The following PDE1A variants were observed in gnomAD, a reference collection of about 807,000 sequenced individuals.
PDE1A encodes dual specificity calcium/calmodulin-dependent 3',5'-cyclic nucleotide phosphodiesterase 1A.
In PDE1A, 35 loss-of-function variants were observed where a neutral mutation model predicts 61.7. That is an observed-to-expected ratio of 0.57 (90% CI 0.43 to 0.75). The LOEUF is 0.75. PDE1A is among the 30% of genes least tolerant of loss of function. The pLI is 0.00. For missense variants in PDE1A, 597 were observed against 630.6 expected, an observed-to-expected ratio of 0.95 and a Z score of 0.57; for synonymous variants, 232 against 213.2, an observed-to-expected ratio of 1.09 and a Z score of -0.77.
At position 182,496,016 on chromosome 2, in the gene PDE1A, C is replaced by A. The variant is rs28627441; in HGVS notation, c.101+26260G>T. Among the ~76,000 whole-genome samples, 686 of 152,204 alleles carry A rather than the reference C, an allele frequency of 4.5e-3. 3 individuals carry two copies. The highest frequency in any genetic ancestry group is 0.015 in the African/African-American group (630 of 41,538). ...TTGCTGACATACAACAGATATAAGT[C>A]CTCTCAACCATAAAGAAAAACACAT... On this transcript the variant is annotated intron_variant, in intron 2 of 14. Coordinates refer to the PDE1A transcript ENST00000410103.
At chr2:182,305,369 T>C (rs951080521) in intron 1 of PDE1A, among the ~76,000 whole-genome samples, 1 of 152,146 alleles carries the variant, frequency 6.6e-6, no homozygotes, top group Non-Finnish European at 1.5e-5. Flanking sequence ...TTACAGGGCA[T>C]ACTTTCAGCT....
At chr2:182,571,940 G>C in the PDE1A span, among the ~76,000 whole-genome samples, 1 of 152,124 alleles carries the variant, frequency 6.6e-6, no homozygotes, top group Non-Finnish European at 1.5e-5. Flanking sequence ...TAACCATGTG[G>C]CAAAGTCATC....
chr2:182,337,765 C>T (rs1343966637), intron 1 of PDE1A, among the ~76,000 whole-genome samples: 1 of 152,036 alleles, frequency 6.6e-6, no homozygotes, highest in Non-Finnish European at 1.5e-5. Flanking sequence ...AATGTTGTTA[C>T]CTTTTTGACA....
At chr2:182,589,083 TAA>T in the PDE1A span, among the ~76,000 whole-genome samples, 6 of 146,740 alleles carry the variant, frequency 4.1e-5, no homozygotes, top group Non-Finnish European at 6.0e-5. Flanking sequence ...ATAATAATAA[TAA>T]TAATAATTTT....
At chr2:182,426,496 G>A (rs932691696) in intron 1 of PDE1A, 82 bp downstream of exon 1, 26 of 984,810 alleles carry the variant, frequency 2.6e-5, no homozygotes, top group Non-Finnish European at 3.9e-5. Context: ...TAGCTTAGTG[G>A]CAGAATCCCC....
intron 10 of PDE1A, among the ~76,000 whole-genome samples, chr2:182,190,905 G>A (rs1286020186): frequency 3.3e-5 from 5 of 151,836 alleles, no homozygotes; most frequent in Admixed American, 2.0e-4. Flanking sequence ...GCAGTGAGCC[G>A]AGATTGCACC....
chr2:182,198,359 T>C (rs1686314505), intron 10 of PDE1A, among the ~76,000 whole-genome samples: 1 of 151,876 alleles, frequency 6.6e-6, no homozygotes, highest in Non-Finnish European at 1.5e-5. Context: ...ACTTTGTTTT[T>C]TATTACCTTC....
At chr2:182,367,725 T>C (rs537140782) in intron 1 of PDE1A, among the ~76,000 whole-genome samples, 25 of 152,150 alleles carry the variant, frequency 1.6e-4, no homozygotes, top group Non-Finnish European at 3.4e-4. Context: ...AAAAAATTAA[T>C]TGAAAAAATA....
chr2:182,573,916 ATAT>A, the PDE1A span, among the ~76,000 whole-genome samples: 1 of 144,746 alleles, frequency 6.9e-6, no homozygotes, highest in Non-Finnish European at 1.5e-5. Flanking sequence ...TATATTATAT[ATAT>A]TAATATATAC....
intron 2 of PDE1A, among the ~76,000 whole-genome samples, chr2:182,501,266 C>G (rs1449467546): frequency 6.6e-6 from 1 of 152,138 alleles, no homozygotes; most frequent in Non-Finnish European, 1.5e-5. Context: ...CTGATCCATA[C>G]TTTAAATTTG....
the PDE1A span, among the ~76,000 whole-genome samples, chr2:182,609,348 A>C: frequency 6.6e-6 from 1 of 152,240 alleles, no homozygotes; most frequent in South Asian, 2.1e-4. Flanking sequence ...AGAGAATAAA[A>C]GCAGGCTGCC....
At chr2:182,557,128 C>T in the PDE1A span, among the ~76,000 whole-genome samples, 1 of 151,792 alleles carries the variant, frequency 6.6e-6, no homozygotes, top group Admixed American at 6.6e-5. Context: ...AACCCTGTCT[C>T]TACTAAAAAT....
intron 1 of PDE1A, among the ~76,000 whole-genome samples, chr2:182,312,831 C>CA (rs34592316): frequency 0.36 from 52,422 of 144,996 alleles, 9,534 homozygotes; most frequent in Admixed American, 0.48. Context: ...TATGTTTTAC[C>CA]AAAAAAAAAA....
chr2:182,393,403 G>A (rs1701530954), intron 1 of PDE1A, among the ~76,000 whole-genome samples: 1 of 151,738 alleles, frequency 6.6e-6, no homozygotes, highest in South Asian at 2.1e-4. Context: ...TTTCCTACTA[G>A]GCCTCTAGGC....
intron 2 of PDE1A, among the ~76,000 whole-genome samples, chr2:182,249,791 A>G (rs1691265580): frequency 6.7e-6 from 1 of 148,384 alleles, no homozygotes. Context: ...CCAATCCTTC[A>G]CTCAGGCTTC....
chr2:182,612,793 G>A, the PDE1A span, among the ~76,000 whole-genome samples: 3 of 152,234 alleles, frequency 2.0e-5, no homozygotes, highest in African/African-American at 4.8e-5. Context: ...TATTTAGATC[G>A]AAATTAAATT....
At chr2:182,574,686 T>C in the PDE1A span, among the ~76,000 whole-genome samples, 2 of 152,066 alleles carry the variant, frequency 1.3e-5, no homozygotes. Context: ...TCTACGTTTT[T>C]TTTGTTTGTT....
chr2:182,499,390 A>AT (rs1688953544), intron 2 of PDE1A, among the ~76,000 whole-genome samples: 1 of 151,784 alleles, frequency 6.6e-6, no homozygotes. Flanking sequence ...GTTAGCCATA[A>AT]TTTTTGTATT....
At chr2:182,490,917 T>A (rs1286025889) in intron 2 of PDE1A, among the ~76,000 whole-genome samples, 1 of 151,982 alleles carries the variant, frequency 6.6e-6, no homozygotes, top group Non-Finnish European at 1.5e-5. Context: ...GTAGACATAG[T>A]AGGGAAGGGC....
Sources: allele counts gnomAD v4.1 joint callset (sites outside exome capture counted in the v4.1 genomes callset), GRCh38; gene constraint gnomAD v4.1.1; transcripts MANE v1.5; gene names NCBI Gene and HGNC (gene_info 2026-07-23, HGNC 2026-07-21).